Variants in MSS51 observed in about 807,000 individuals in gnomAD.
MSS51 encodes the protein MSS51 mitochondrial translational activator, also known as putative protein MSS51 homolog, mitochondrial.
MSS51 carries 32 observed loss-of-function variants against 40.2 expected under a neutral mutation model. The observed-to-expected ratio is 0.80, with a 90% CI of 0.60 to 1.07. MSS51 has a LOEUF of 1.07. MSS51 is among the 50% of genes least tolerant of loss of function. The pLI is 0.00. For synonymous variants in MSS51, 178 were observed against 214.2 expected (o/e 0.83, Z 1.48); for missense variants, 518 against 568.9 (o/e 0.91, Z 0.91).
chr10:73,428,021 A>C (rs377629824), intron 2 of MSS51, 43 bp downstream of exon 2: 2 of 1,574,438 alleles, frequency 1.3e-6, no homozygotes, highest in Non-Finnish European at 8.7e-7. Flanking sequence ...ATTTACTTCT[A>C]CCAGAGACAA....
At position 73,426,244 on chromosome 10, in the gene MSS51, G is replaced by C; in HGVS notation, c.636C>G (p.Thr212=). The C allele has an allele frequency of 6.2e-7, 1 of 1,613,670 alleles. No homozygotes were observed. Among genetic ancestry groups the C allele is most frequent in the Non-Finnish European group, 8.5e-7 (1 of 1,180,032 alleles). ...LDAVLVSHAV[T]TLWASVGRPR... ...GCCGTCCTACACTGGCCCATAAGGT[G>C]GTCACAGCATGACTAACTAGCACAG... The change falls in exon 5 of 7, where the codon ACC becomes ACG. Residue 212 remains threonine (T), a synonymous_variant. Transcript: ENST00000299432.
intron 2 of MSS51, 97 bp from the exon 3 acceptor site, chr10:73,427,865 C>A: frequency 7.2e-7 from 1 of 1,387,418 alleles, no homozygotes. Context: ...TTTCCACTTA[C>A]TCCTATGTCT....
Position 73,424,993 on chromosome 10 carries a change from T to A in MSS51, c.1163+105A>T, listed in dbSNP as rs757196458. 2.2e-4 allele frequency: 199 copies of A among 922,346 alleles called. 1 individual carries two copies. The highest frequency in any genetic ancestry group is 1.5e-3 in the Middle Eastern group (6 of 4,112). The allele number at this position is 922,346 out of a possible 1,614,324, so 57.1% of individuals were successfully genotyped here. ...AAAAAGCCATATGCGGAAAAGAACA[T>A]CCTCACCAGAAGGTAGATGAGCAAG... On this transcript the variant is annotated intron_variant, in intron 6 of 6. Transcript: ENST00000299432.
chr10:73,429,976 G>A (rs1393852670), intron 1 of MSS51, among the ~76,000 whole-genome samples: 4 of 152,102 alleles, frequency 2.6e-5, no homozygotes, highest in African/African-American at 7.2e-5. Context: ...GTGGCAGTTG[G>A]AATAGACCTT....
rs1256178426 is a variant in MSS51, at chr10:73,425,840, T to C, written c.1040A>G (p.His347Arg). 1.2e-6 allele frequency: 2 copies of C among 1,613,760 alleles called. No homozygotes were observed. Among genetic ancestry groups the C allele is most frequent in the African/African-American group, 2.7e-5 (2 of 74,882 alleles). Residue 347 changes from histidine to arginine, a missense_variant, in exon 5 of 7, where the codon CAT becomes CGT. Transcript: ENST00000299432. The stretch of plus-strand genomic sequence containing the variant: ...ATGGAATGCCGCCACCAAATCTGGA[T>C]GGTGTGTCTGCCCGGTCTCTACTTG... ...EEQVETGQTH[H>R]PDLVAAFHPG...
In MSS51 at chr10:73,425,838, G is replaced by A. The variant is rs145493748; in HGVS notation, c.1042C>T (p.Pro348Ser). Reference sequence around the variant, plus strand: ...GGATGGAATGCCGCCACCAAATCTGGATGGTGTGTCTGCCCGGTCTCTACT... The same window carrying A: ...GGATGGAATGCCGCCACCAAATCTGAATGGTGTGTCTGCCCGGTCTCTACT... ...EQVETGQTHH[P>S]DLVAAFHPGF... Residue 348 changes from proline (P) to serine (S), a missense_variant, in exon 5 of 7, where the codon CCA becomes TCA. Coordinates refer to ENST00000299432, the MANE Select transcript of MSS51 (RefSeq NM_001024593.2). 1.1e-5 allele frequency: 17 copies of A among 1,613,874 alleles called. No individual in the cohort carries two copies. In the African/African-American group the frequency reaches 2.1e-4, roughly 20 times the overall value.
Position 73,423,754 on chromosome 10 carries a change from G to A in MSS51, c.*799C>T, listed in dbSNP as rs1307034098. On this transcript the variant is annotated 3_prime_UTR_variant, in exon 7 of 7. Coordinates refer to ENST00000299432, the MANE Select transcript of MSS51 (RefSeq NM_001024593.2). ...AAAAGTAGACATTTCTCTCAAAAAA[G>A]TCAGGAAACAGGACACTGTACCAAT... 1.3e-5 allele frequency: 2 copies of A among 152,162 alleles called. No homozygotes were observed. The highest frequency in any genetic ancestry group is 2.4e-5 in the African/African-American group (1 of 41,432). 9.4% of individuals were successfully genotyped at this position (152,162 alleles called of 1,614,324 possible).
In MSS51 at chr10:73,425,019, A is replaced by AG; in HGVS notation, c.1163+78dup. ...CCTCACCAGAAGGTAGATGAGCAAG[A>AG]GGGGGGCAAAAATGAGCTCATCTAT... On this transcript the variant is annotated intron_variant, in intron 6 of 6. Coordinates refer to ENST00000299432, the MANE Select transcript of MSS51 (RefSeq NM_001024593.2). The AG allele has an allele frequency of 2.6e-6, 3 of 1,134,176 alleles. No homozygotes were observed. The South Asian group carries it at 3.8e-5, about 14-fold the overall frequency. The allele number at this position is 1,134,176 out of a possible 1,614,324, so 70.3% of individuals were successfully genotyped here.
At chr10:73,429,447 T>C (rs2056012692) in intron 1 of MSS51, among the ~76,000 whole-genome samples, 1 of 152,206 alleles carries the variant, frequency 6.6e-6, no homozygotes. Context: ...CAGTTTAATA[T>C]AGAGAGATAA....
In MSS51 at chr10:73,424,181, C is replaced by A. The variant is rs898911373; in HGVS notation, c.*372G>T. On this transcript the variant is annotated 3_prime_UTR_variant, in exon 7 of 7. Transcript: ENST00000299432. ...ATCACCTGGGGTCAAGGGTTTGATA[C>A]GAGCCTGGCCAACATGGTGAAACCC... The A allele has an allele frequency of 9.7e-6, 2 of 206,150 alleles. No individual in the cohort carries two copies. The highest frequency in any genetic ancestry group is 1.2e-4 in the East Asian group (1 of 8,548). 12.8% of individuals were successfully genotyped at this position (206,150 alleles called of 1,614,324 possible).
rs1259034312 is a variant in MSS51 at position 73,423,848 on chromosome 10, C to T, written c.*705G>A. On this transcript the variant is annotated 3_prime_UTR_variant, in exon 7 of 7. Transcript: ENST00000299432. Reference sequence around the variant, plus strand: ...CCATTCTTGCATCACTTCAAGTCATCAACATCTTTCCATTTTTTAGCCCAA... The same window carrying T: ...CCATTCTTGCATCACTTCAAGTCATTAACATCTTTCCATTTTTTAGCCCAA... 3 of 152,466 alleles carry T rather than the reference C, an allele frequency of 2.0e-5. No individual in the cohort carries two copies. Among genetic ancestry groups the T allele is most frequent in the Non-Finnish European group, 2.9e-5 (2 of 68,114 alleles). The allele number at this position is 152,466 out of a possible 1,614,324, so 9.4% of individuals were successfully genotyped here. A position where few individuals can be genotyped will look rare whatever the true frequency, so the allele number is the denominator to read the frequency against.
At chr10:73,424,887 G>T in intron 6 of MSS51, 115 bp from the exon 7 acceptor site, 1 of 888,070 alleles carries the variant, frequency 1.1e-6, no homozygotes, top group Non-Finnish European at 1.8e-6. Flanking sequence ...CCTAAGGCTG[G>T]ACTAGGCAAG....
intron 1 of MSS51, 54 bp downstream of exon 1, chr10:73,433,459 T>C (rs539181852): frequency 6.6e-6 from 1 of 152,202 alleles, no homozygotes; most frequent in East Asian, 1.9e-4. Flanking sequence ...TGATAAATAC[T>C]TTACTCAATT....
intron 6 of MSS51, 92 bp downstream of exon 6, chr10:73,425,006 G>A (rs908017389): frequency 2.2e-5 from 22 of 988,306 alleles, no homozygotes; most frequent in Non-Finnish European, 3.4e-5. Context: ...TCACCAGAAG[G>A]TAGATGAGCA....
In MSS51 at chr10:73,426,395, T is replaced by C. The variant is rs751396526; in HGVS notation, c.503-18A>G. The stretch of plus-strand genomic sequence containing the variant: ...AAAATCACCTGTAGGAAAGAAGAAA[T>C]AAGAAGTAACCTAATGCTTTCCTGG... On this transcript the variant is annotated intron_variant, in intron 4 of 6. Transcript: ENST00000299432. 6.3e-7 allele frequency: 1 copy of C among 1,598,150 alleles called. No homozygotes were observed. Among genetic ancestry groups the C allele is most frequent in the Non-Finnish European group, 8.5e-7 (1 of 1,178,020 alleles).
Position 73,425,948 on chromosome 10 carries a change from T to C in MSS51, c.932A>G (p.Gln311Arg). 2 of 1,613,932 alleles carry C rather than the reference T, an allele frequency of 1.2e-6. No individual in the cohort carries two copies. The highest frequency in any genetic ancestry group is 1.7e-6 in the Non-Finnish European group (2 of 1,179,962). ...TTCCAGGGGTGAAGTTGAGGTGCTC[T>C]GTGAAAAGCCAGTAGCTACATCTAC... ...VGVDVATGFS[Q>R]STSTSPLEPG... Residue 311 changes from glutamine to arginine, a missense_variant, in exon 5 of 7, where the codon CAG becomes CGG. Gln to Arg is a conservative substitution (Grantham distance 43). Coordinates refer to ENST00000299432, the MANE Select transcript of MSS51 (RefSeq NM_001024593.2).
In MSS51 at chr10:73,428,161, T is replaced by C; in HGVS notation, c.124A>G (p.Ile42Val). 1.9e-6 allele frequency: 3 copies of C among 1,614,078 alleles called. No homozygotes were observed. Among genetic ancestry groups the C allele is most frequent in the Non-Finnish European group, 1.7e-6 (2 of 1,180,032 alleles). Residue 42 changes from isoleucine to valine, a missense_variant, in exon 2 of 7, where the codon ATT becomes GTT. Transcript: ENST00000299432. ...PLTPSKPGPSIDTLGFFSLDD... is the reference protein window; with the variant it reads ...PLTPSKPGPSVDTLGFFSLDD... ...AAGGAGAAGAAGCCAAGTGTGTCAATGCTAGGGCCAGGTTTTGAGGGGGTC... is the reference window on the plus strand; with the variant it reads ...AAGGAGAAGAAGCCAAGTGTGTCAACGCTAGGGCCAGGTTTTGAGGGGGTC...
chr10:73,427,106 T>C (rs1029972569), intron 3 of MSS51, among the ~76,000 whole-genome samples: 2 of 152,148 alleles, frequency 1.3e-5, no homozygotes, highest in South Asian at 4.1e-4. Context: ...AGGATTGTAT[T>C]GTGGTTTCTT....
rs1298541621 is a variant in MSS51, at chr10:73,424,598, C to A, written c.1338G>T (p.Gln446His). The change falls in exon 7 of 7, where the codon CAG (glutamine) becomes CAT (histidine). Residue 446 changes from glutamine (Q) to histidine (H), a missense_variant. By Grantham distance (24) the Gln-to-His change is conservative. Coordinates refer to ENST00000299432, the MANE Select transcript of MSS51 (RefSeq NM_001024593.2). ...TCTCTTCTAATTGCCTATTATCCAG[C>A]TGACAGGAGCTTCCAAGAAACATGA... ...YYIMFLGSSC[Q>H]LDNRQLEEKV... The A allele has an allele frequency of 7.4e-6, 12 of 1,614,018 alleles. No homozygotes were observed. The highest frequency in any genetic ancestry group is 9.3e-6 in the Non-Finnish European group (11 of 1,180,024).
Sources: allele counts gnomAD v4.1 joint callset (sites outside exome capture counted in the v4.1 genomes callset), GRCh38; gene constraint gnomAD v4.1.1; transcripts MANE v1.5; gene names NCBI Gene and HGNC (gene_info 2026-07-23, HGNC 2026-07-21).